EFCAB6: variants seen among roughly 807,000 people sequenced by gnomAD.
EFCAB6 encodes EF-hand calcium binding domain 6, also known as EF-hand calcium-binding domain-containing protein 6.
EFCAB6 carries 156 observed loss-of-function variants against 169.8 expected under a neutral mutation model. That is an observed-to-expected ratio of 0.92 (90% confidence interval 0.81 to 1.05). The LOEUF (loss-of-function observed/expected upper bound fraction) is 1.05, where lower values mean the gene tolerates loss of function less well. Ranked by LOEUF, EFCAB6 falls within the 50% of genes least tolerant of loss-of-function variation. The probability of loss-of-function intolerance (pLI) is 0.00; values close to 1 mark genes in which losing one functional copy is unlikely to be tolerated. For synonymous variants in EFCAB6, 698 were observed against 676.4 expected (o/e 1.03, Z -0.50); for missense variants, 1,800 against 1,829.1 (o/e 0.98, Z 0.29).
intron 29 of EFCAB6, chr22:43,536,955 A>G (rs1404020416): frequency 6.4e-6 from 1 of 156,652 alleles, no homozygotes; most frequent in African/African-American, 2.4e-5. Context: ...AAGTTTACCA[A>G]AGTGATACAT....
chr22:43,746,260 C>A (rs1309740360), intron 6 of EFCAB6, among the ~76,000 whole-genome samples: 1 of 152,180 alleles, frequency 6.6e-6, no homozygotes, highest in Non-Finnish European at 1.5e-5. Flanking sequence ...CATAGGCATA[C>A]CCTGCCTTTA....
At chr22:43,654,503 C>T (rs899501002) in intron 17 of EFCAB6, among the ~76,000 whole-genome samples, 2 of 152,238 alleles carry the variant, frequency 1.3e-5, no homozygotes, top group African/African-American at 4.8e-5. Flanking sequence ...GAAGGGCACC[C>T]GCCTCTGCGG....
intron 17 of EFCAB6, among the ~76,000 whole-genome samples, chr22:43,648,595 C>T (rs2056304910): frequency 6.6e-6 from 1 of 152,152 alleles, no homozygotes; most frequent in South Asian, 2.1e-4. Context: ...TGAAAAACCA[C>T]CTGTTGGGTA....
At chr22:43,786,284 A>G (rs1025707743) in intron 2 of EFCAB6, among the ~76,000 whole-genome samples, 2 of 151,858 alleles carry the variant, frequency 1.3e-5, no homozygotes, top group African/African-American at 4.8e-5. Flanking sequence ...AATCGCTTGA[A>G]CTTGGGAGGT....
At position 43,543,074 on chromosome 22, in the gene EFCAB6, T is replaced by C. The variant is rs868170400; in HGVS notation, c.3649-2717A>G. On this transcript the variant is annotated intron_variant, in intron 27 of 31. Coordinates refer to ENST00000262726, the MANE Select transcript of EFCAB6 (RefSeq NM_022785.4). ...ATCAACAGGGACAAGCCAGGCAACCTGCAGCCACAGTTCTTCCCCTGAGCC... is the reference window on the plus strand; with the variant it reads ...ATCAACAGGGACAAGCCAGGCAACCCGCAGCCACAGTTCTTCCCCTGAGCC... Among the ~76,000 whole-genome samples, 12 of 152,216 alleles carry C rather than the reference T, an allele frequency of 7.9e-5. No individual in the cohort carries two copies. In the South Asian group the frequency reaches 1.0e-3, roughly 13 times the overall value.
chr22:43,802,517 C>T (rs2062761057), intron 2 of EFCAB6: 1 of 324,470 alleles, frequency 3.1e-6, no homozygotes, highest in South Asian at 2.7e-5. Flanking sequence ...GGTGACAGAG[C>T]AAGACTCTAT....
chr22:43,543,285 G>A (rs1008343840), intron 27 of EFCAB6, among the ~76,000 whole-genome samples: 23 of 152,252 alleles, frequency 1.5e-4, no homozygotes, highest in African/African-American at 4.3e-4. Flanking sequence ...CCACGTGCAG[G>A]CTGCCATGTC....
intron 10 of EFCAB6, among the ~76,000 whole-genome samples, chr22:43,697,924 C>A (rs2058633999): frequency 6.6e-6 from 1 of 152,148 alleles, no homozygotes; most frequent in South Asian, 2.1e-4. Context: ...CAAAGGGTGA[C>A]AGAGGCAAAG....
At chr22:43,768,303 A>G (rs1476038122) in intron 4 of EFCAB6, among the ~76,000 whole-genome samples, 1 of 152,260 alleles carries the variant, frequency 6.6e-6, no homozygotes, top group Non-Finnish European at 1.5e-5. Context: ...TTCCTGACAC[A>G]GGTCTTCAAA....
intron 4 of EFCAB6, among the ~76,000 whole-genome samples, chr22:43,767,817 T>C (rs926592223): frequency 2.9e-5 from 1 of 34,456 alleles, no homozygotes; most frequent in South Asian, 2.0e-3. Flanking sequence ...AAGAAATTCT[T>C]GCGATGATAG....
chr22:43,636,298 G>A (rs987597508), intron 17 of EFCAB6, among the ~76,000 whole-genome samples: 7 of 152,144 alleles, frequency 4.6e-5, no homozygotes, highest in African/African-American at 1.7e-4. Flanking sequence ...GCAGTGCAGC[G>A]GTGCTCACTG....
intron 10 of EFCAB6, among the ~76,000 whole-genome samples, chr22:43,694,723 T>C (rs1422571189): frequency 1.3e-5 from 2 of 152,002 alleles, no homozygotes; most frequent in African/African-American, 4.8e-5. Flanking sequence ...CTCATTAGGA[T>C]AGACACAGAA....
chr22:43,636,899 G>A (rs943261866), intron 17 of EFCAB6, among the ~76,000 whole-genome samples: 2 of 152,088 alleles, frequency 1.3e-5, no homozygotes, highest in Non-Finnish European at 2.9e-5. Flanking sequence ...CACCACGCCC[G>A]TCCTCAAACC....
In EFCAB6 at chr22:43,629,534, C is replaced by T. The variant is rs1415467439; in HGVS notation, c.2232+2571G>A. Among the ~76,000 whole-genome samples the T allele has an allele frequency of 4.6e-5, 7 of 152,184 alleles. No homozygotes were observed. In the East Asian group the frequency reaches 1.3e-3, roughly 29 times the overall value. On this transcript the variant is annotated intron_variant, in intron 19 of 31. Transcript: ENST00000262726. ...AATCGGTCATGTGCATTGTGGCAGG[C>T]ACTGTGGCAGCCCCTTGGGTTACTG...
intron 26 of EFCAB6, among the ~76,000 whole-genome samples, chr22:43,569,111 T>C (rs1237672948): frequency 6.6e-6 from 1 of 152,176 alleles, no homozygotes; most frequent in Non-Finnish European, 1.5e-5. Context: ...TCCATGCTAC[T>C]GGGAACCGGG....
chr22:43,567,739 C>G (rs1273167260), intron 26 of EFCAB6, among the ~76,000 whole-genome samples: 1 of 152,138 alleles, frequency 6.6e-6, no homozygotes, highest in East Asian at 1.9e-4. Flanking sequence ...GCCTTCCTTC[C>G]TGCGTCTCCT....
At chr22:43,581,436 T>G (rs553190765) in intron 24 of EFCAB6, among the ~76,000 whole-genome samples, 31 of 152,216 alleles carry the variant, frequency 2.0e-4, no homozygotes, top group Non-Finnish European at 3.8e-4. Context: ...AGAGGCTCAT[T>G]CATCTCCTTG....
chr22:43,576,307 A>C lies in EFCAB6; in HGVS notation c.3410T>G (p.Phe1137Cys). The C allele has an allele frequency of 1.3e-6, 2 of 1,583,120 alleles. No homozygotes were observed. The highest frequency in any genetic ancestry group is 1.7e-6 in the Non-Finnish European group (2 of 1,172,032). Residue 1137 changes from phenylalanine to cysteine, a missense_variant, in exon 26 of 32, where the codon TTC becomes TGC. Coordinates refer to ENST00000262726, the MANE Select transcript of EFCAB6 (RefSeq NM_022785.4). ...WKYFLQNFSC[F>C]LEETADEWAE... ...TGCAGACATTCTTACCTCCTCAAGG[A>C]AACAGCTAAAGTTCTGGAGAAAATA...
At chr22:43,770,810 A>G (rs1201179068) in intron 4 of EFCAB6, among the ~76,000 whole-genome samples, 1 of 152,172 alleles carries the variant, frequency 6.6e-6, no homozygotes, top group Admixed American at 6.5e-5. Flanking sequence ...ATGGCTCAAA[A>G]CTTCACAAAT....
Sources: gnomAD v4.1 joint callset for allele counts (sites outside exome capture counted in the v4.1 genomes callset) on GRCh38, gnomAD v4.1.1 for gene constraint, MANE v1.5 for transcripts, NCBI Gene and HGNC (gene_info 2026-07-23, HGNC 2026-07-21) for gene names.